The following R3HDM1 variants were observed in gnomAD, a reference collection of about 807,000 sequenced individuals.
R3HDM1 encodes the protein R3H domain-containing protein 1.
In R3HDM1, 46 loss-of-function variants were observed where a neutral mutation model predicts 141.1. The ratio of observed to expected loss-of-function variants is 0.33; its 90% CI spans 0.26 to 0.42. The LOEUF (loss-of-function observed/expected upper bound fraction) is 0.42. Among genes scored for constraint, R3HDM1 ranks in the 10% least tolerant of loss-of-function variants. The probability of loss-of-function intolerance (pLI) is 1.00; values close to 1 mark genes in which losing one functional copy is unlikely to be tolerated. For synonymous variants in R3HDM1, 435 were observed against 472.9 expected (o/e 0.92, Z 1.04); for missense variants, 1,184 against 1,368.3 (o/e 0.87, Z 2.12).
At chr2:135,701,122 C>T (rs941623820) in intron 21 of R3HDM1, among the ~76,000 whole-genome samples, 3 of 151,524 alleles carry the variant, frequency 2.0e-5, no homozygotes, top group Non-Finnish European at 4.4e-5. Context: ...CAGTGGCTCA[C>T]GCCTGTGATC....
intron 1 of R3HDM1, chr2:135,587,045 T>G (rs1708102092): frequency 1.1e-6 from 1 of 923,812 alleles, no homozygotes; most frequent in African/African-American, 1.8e-5. Flanking sequence ...AAAGTGCTTG[T>G]AACAGCAAAA....
chr2:135,602,392 A>G (rs2105103851), intron 1 of R3HDM1, 108 bp from the exon 2 acceptor site: 2 of 774,730 alleles, frequency 2.6e-6, no homozygotes, highest in East Asian at 3.4e-5. Context: ...TAGGAAAATA[A>G]TGTAATAAAA....
chr2:135,687,072 G>A (rs2071475134), intron 21 of R3HDM1, among the ~76,000 whole-genome samples: 1 of 152,096 alleles, frequency 6.6e-6, no homozygotes, highest in Non-Finnish European at 1.5e-5. Flanking sequence ...GGTGGTGCCG[G>A]TAGTCTCAGC....
chr2:135,708,295 AAT>A (rs1223145314), intron 21 of R3HDM1, among the ~76,000 whole-genome samples: 1 of 152,184 alleles, frequency 6.6e-6, no homozygotes, highest in Non-Finnish European at 1.5e-5. Context: ...CTGCCCCGCA[AAT>A]ATTGCTTATG....
intron 1 of R3HDM1, among the ~76,000 whole-genome samples, chr2:135,549,600 T>C (rs961852726): frequency 3.3e-5 from 5 of 149,628 alleles, no homozygotes; most frequent in Non-Finnish European, 5.9e-5. Flanking sequence ...AAATGGGGTC[T>C]TGCTATATTG....
At chr2:135,618,437 C>A (rs991522925) in intron 5 of R3HDM1, among the ~76,000 whole-genome samples, 1 of 148,268 alleles carries the variant, frequency 6.7e-6, no homozygotes, top group South Asian at 2.1e-4. Context: ...GCTAGGATTA[C>A]AAGTGTGAGC....
chr2:135,605,422 C>G (rs1326581571), intron 3 of R3HDM1: 1 of 156,914 alleles, frequency 6.4e-6, no homozygotes, highest in African/African-American at 2.4e-5. Flanking sequence ...TCCTCAGTCA[C>G]TCAACCTGAC....
At chr2:135,573,816 T>A (rs998783640) in intron 1 of R3HDM1, among the ~76,000 whole-genome samples, 1 of 152,116 alleles carries the variant, frequency 6.6e-6, no homozygotes, top group African/African-American at 2.4e-5. Context: ...GGCAGGACTT[T>A]GCTATACTAA....
chr2:135,591,854 A>G (rs1709352500), intron 1 of R3HDM1, among the ~76,000 whole-genome samples: 1 of 152,202 alleles, frequency 6.6e-6, no homozygotes, highest in African/African-American at 2.4e-5. Context: ...AAAGACACAC[A>G]GGGTAAGGTC....
intron 19 of R3HDM1, among the ~76,000 whole-genome samples, chr2:135,664,649 G>A (rs1456142116): frequency 1.3e-5 from 2 of 152,316 alleles, no homozygotes; most frequent in East Asian, 1.9e-4. Context: ...TTATCCATGT[G>A]TCCCAGTGGA....
chr2:135,583,754 A>C, intron 1 of R3HDM1: 1 of 985,420 alleles, frequency 1.0e-6, no homozygotes, highest in Non-Finnish European at 1.2e-6. Flanking sequence ...TTACCTGTAA[A>C]GGTTGAGATC....
At chr2:135,630,546 A>G (rs1385763788) in intron 7 of R3HDM1, among the ~76,000 whole-genome samples, 1 of 152,122 alleles carries the variant, frequency 6.6e-6, no homozygotes, top group Non-Finnish European at 1.5e-5. Flanking sequence ...ATATTTAATG[A>G]ATGATGGGGG....
At chr2:135,642,704 C>G (rs1014715261) in intron 15 of R3HDM1, among the ~76,000 whole-genome samples, 1 of 152,048 alleles carries the variant, frequency 6.6e-6, no homozygotes, top group Non-Finnish European at 1.5e-5. Context: ...CAGGCAGATA[C>G]GGGTGGGAGT....
chr2:135,694,075 T>G (rs936875216), intron 21 of R3HDM1, among the ~76,000 whole-genome samples: 1 of 152,244 alleles, frequency 6.6e-6, no homozygotes, highest in African/African-American at 2.4e-5. Context: ...CTACCTACTT[T>G]TGAATTATTC....
chr2:135,598,492 C>A (rs896895430), intron 1 of R3HDM1, among the ~76,000 whole-genome samples: 12 of 152,168 alleles, frequency 7.9e-5, no homozygotes, highest in African/African-American at 2.9e-4. Flanking sequence ...ACACAAATTG[C>A]CCCTCTTCTT....
intron 1 of R3HDM1, among the ~76,000 whole-genome samples, chr2:135,582,838 A>G (rs1486128031): frequency 1.3e-5 from 2 of 152,228 alleles, no homozygotes; most frequent in Admixed American, 6.5e-5. Flanking sequence ...AATCCTAACC[A>G]GTTTTTAAAA....
chr2:135,721,640 T>C (rs2076705989), intron 24 of R3HDM1: 1 of 272,556 alleles, frequency 3.7e-6, no homozygotes, highest in Non-Finnish European at 7.3e-6. Flanking sequence ...CAGTCTGGAA[T>C]ATAGTGGCGC....
chr2:135,701,755 A>G lies in R3HDM1; in HGVS notation c.2460-7678A>G, dbSNP rs117019615. On this transcript the variant is annotated intron_variant, in intron 21 of 26. Transcript: ENST00000683871. ...TTCATGCTACTCATAATGACATGCA[A>G]TTTAAAACTTATAAAGTGTTTATTT... 2.4e-4 allele frequency among the ~76,000 whole-genome samples: 37 copies of G among 152,332 alleles called. No homozygotes were observed. The East Asian group carries it at 6.8e-3, about 28-fold the overall frequency.
Position 135,665,804 on chromosome 2 carries a change from C to T in R3HDM1, c.2152+4411C>T, listed in dbSNP as rs985543738. Reference sequence around the variant, plus strand: ...AAATATGTCTCTCCCTATTGCTACACAACTTTTTAGGGATATTGTTATATA... The same window carrying T: ...AAATATGTCTCTCCCTATTGCTACATAACTTTTTAGGGATATTGTTATATA... On this transcript the variant is annotated intron_variant, in intron 19 of 26. Transcript: ENST00000683871. Among the ~76,000 whole-genome samples, 7 of 152,156 alleles carry T rather than the reference C, an allele frequency of 4.6e-5. 1 individual carries two copies. The highest frequency in any genetic ancestry group is 4.6e-4 in the Admixed American group (7 of 15,266).
Sources: gnomAD v4.1 joint callset for allele counts (sites outside exome capture counted in the v4.1 genomes callset) on GRCh38, gnomAD v4.1.1 for gene constraint, MANE v1.5 for transcripts, NCBI Gene and HGNC (gene_info 2026-07-23, HGNC 2026-07-21) for gene names.